Variants in ENTREP2 observed in about 807,000 individuals in gnomAD.
The protein encoded by ENTREP2 is endosomal transmembrane epsin interactor 2, also known as protein ENTREP2.
At chr15:29,202,900 G>T in the ENTREP2 span, among the ~76,000 whole-genome samples, 1 of 152,204 alleles carries the variant, frequency 6.6e-6, no homozygotes, top group Non-Finnish European at 1.5e-5. Flanking sequence ...GGGCATTTGG[G>T]TTGGTTCCAA....
the ENTREP2 span, chr15:29,195,002 C>T: frequency 4.1e-6 from 2 of 488,480 alleles, no homozygotes; most frequent in Non-Finnish European, 5.3e-6. Context: ...CGTGTCCCCT[C>T]CCAGGAGGGC....
chr15:29,542,348 G>C, the ENTREP2 span, among the ~76,000 whole-genome samples: 5 of 151,782 alleles, frequency 3.3e-5, no homozygotes, highest in Admixed American at 2.6e-4. Context: ...ACCCAGGCTG[G>C]AGTGCATTGG....
the ENTREP2 span, among the ~76,000 whole-genome samples, chr15:29,392,052 T>C: frequency 2.0e-5 from 3 of 152,034 alleles, no homozygotes; most frequent in Non-Finnish European, 4.4e-5. Flanking sequence ...ATGGTCTCGA[T>C]CTCCTGACCT....
chr15:29,151,601 C>A, the ENTREP2 span: 1 of 663,086 alleles, frequency 1.5e-6, no homozygotes, highest in Non-Finnish European at 2.7e-6. Flanking sequence ...TTCCAGAGGG[C>A]AACACAAGGT....
the ENTREP2 span, among the ~76,000 whole-genome samples, chr15:29,199,112 T>C: frequency 6.6e-6 from 1 of 152,232 alleles, no homozygotes; most frequent in South Asian, 2.1e-4. Flanking sequence ...ACAAAATACC[T>C]ATTGATCAGA....
At chr15:29,380,644 G>C in the ENTREP2 span, among the ~76,000 whole-genome samples, 1 of 151,934 alleles carries the variant, frequency 6.6e-6, no homozygotes, top group Admixed American at 6.6e-5. Context: ...TCCATCTCCC[G>C]CGTGGCCTGC....
At chr15:29,509,207 C>G in the ENTREP2 span, among the ~76,000 whole-genome samples, 5 of 152,144 alleles carry the variant, frequency 3.3e-5, no homozygotes, top group African/African-American at 9.6e-5. Context: ...ATGTGAAGGA[C>G]CTCTTCAAGG....
the ENTREP2 span, among the ~76,000 whole-genome samples, chr15:29,639,176 C>A: frequency 6.6e-6 from 1 of 152,202 alleles, no homozygotes; most frequent in African/African-American, 2.4e-5. Flanking sequence ...CCACGGCTCT[C>A]TAAATTTCTG....
chr15:29,387,919 T>A, the ENTREP2 span, among the ~76,000 whole-genome samples: 1 of 152,076 alleles, frequency 6.6e-6, no homozygotes, highest in Non-Finnish European at 1.5e-5. Context: ...TAGCCATACG[T>A]AGAAAGCTGA....
At chr15:29,413,133 C>G in the ENTREP2 span, among the ~76,000 whole-genome samples, 2 of 151,270 alleles carry the variant, frequency 1.3e-5, no homozygotes, top group African/African-American at 4.9e-5. Context: ...AATGTGATCT[C>G]CTTGATATTC....
At chr15:29,418,572 G>GTTTTAGAACACAA in the ENTREP2 span, among the ~76,000 whole-genome samples, 1 of 152,212 alleles carries the variant, frequency 6.6e-6, no homozygotes, top group Non-Finnish European at 1.5e-5. Context: ...CTAAAAGGCA[G>GTTTTAGAACACAA]TTCGTGGTTG....
At chr15:29,391,058 C>T in the ENTREP2 span, among the ~76,000 whole-genome samples, 1 of 152,088 alleles carries the variant, frequency 6.6e-6, no homozygotes, top group Non-Finnish European at 1.5e-5. Context: ...CCTGGAGCAG[C>T]TGATCTTCCT....
At chr15:29,325,699 C>T in the ENTREP2 span, among the ~76,000 whole-genome samples, 1 of 152,094 alleles carries the variant, frequency 6.6e-6, no homozygotes, top group Non-Finnish European at 1.5e-5. Context: ...CAGTTTTCTG[C>T]AATTTCTTCT....
At chr15:29,554,856 C>T in the ENTREP2 span, among the ~76,000 whole-genome samples, 56 of 152,268 alleles carry the variant, frequency 3.7e-4, 2 homozygotes, top group South Asian at 6.2e-4. Context: ...GACCTAGAAA[C>T]CTCTTGGCTA....
the ENTREP2 span, among the ~76,000 whole-genome samples, chr15:29,416,033 G>A: frequency 1.9e-4 from 29 of 152,276 alleles, no homozygotes; most frequent in African/African-American, 7.0e-4. Context: ...CATGCTCATG[G>A]GTAGGAAGAA....
At chr15:29,621,055 C>A in the ENTREP2 span, among the ~76,000 whole-genome samples, 1 of 152,138 alleles carries the variant, frequency 6.6e-6, no homozygotes, top group Admixed American at 6.5e-5. Context: ...ACCATTACTG[C>A]ATTTGAGAAA....
chr15:29,217,625 GCTGT>G, the ENTREP2 span, among the ~76,000 whole-genome samples: 3 of 151,938 alleles, frequency 2.0e-5, no homozygotes, highest in Non-Finnish European at 2.9e-5. Context: ...TTTTCCTTAT[GCTGT>G]CTATTTCCAT....
the ENTREP2 span, among the ~76,000 whole-genome samples, chr15:29,405,077 T>C: frequency 6.6e-6 from 1 of 152,176 alleles, no homozygotes; most frequent in East Asian, 1.9e-4. Context: ...TTTTCCACAC[T>C]GCAGAATCAT....
At chr15:29,556,767 C>G in the ENTREP2 span, among the ~76,000 whole-genome samples, 4 of 110,922 alleles carry the variant, frequency 3.6e-5, no homozygotes, top group African/African-American at 1.2e-4. Flanking sequence ...CAGGTGCCCC[C>G]CCCCCGCCCC....
Sources: allele counts gnomAD v4.1 joint callset (sites outside exome capture counted in the v4.1 genomes callset), GRCh38; gene constraint gnomAD v4.1.1; transcripts MANE v1.5; gene names NCBI Gene and HGNC (gene_info 2026-07-23, HGNC 2026-07-21).